IYD: variants seen among roughly 807,000 people sequenced by gnomAD.
The protein encoded by IYD is iodotyrosine deiodinase 1.
A neutral mutation model predicts 28.4 loss-of-function variants in IYD; 25 were observed. The observed-to-expected ratio is 0.88, with a 90% CI of 0.64 to 1.23. IYD has a LOEUF of 1.23. Ranked by LOEUF, IYD falls within the 50% of genes most tolerant of loss-of-function variation. The pLI is 0.00. For missense variants in IYD, 352 were observed against 357.9 expected (o/e 0.98, Z 0.13); for synonymous variants, 140 against 130.8 (o/e 1.07, Z -0.48).
intron 4 of IYD, chr6:150,396,969 C>T (rs1778347931): frequency 6.6e-6 from 1 of 152,088 alleles, no homozygotes; most frequent in Non-Finnish European, 1.5e-5. Context: ...TAAAGTAGAG[C>T]TAATGACAGA....
chr6:150,379,107 A>G (rs1419265823), intron 1 of IYD, among the ~76,000 whole-genome samples: 1 of 152,106 alleles, frequency 6.6e-6, no homozygotes, highest in East Asian at 1.9e-4. Flanking sequence ...CCCACCCCCA[A>G]TAGTTCATCT....
intron 1 of IYD, among the ~76,000 whole-genome samples, chr6:150,374,321 G>A (rs1488151710): frequency 6.6e-6 from 1 of 152,360 alleles, no homozygotes; most frequent in East Asian, 1.9e-4. Context: ...CAGTCGTGGA[G>A]ACATACAAGA....
In IYD at chr6:150,403,160, TA is replaced by T. The variant is rs1778557576; in HGVS notation, c.*4925del. 1 of 152,232 alleles carries T rather than the reference TA, an allele frequency of 6.6e-6. No homozygotes were observed. The highest frequency in any genetic ancestry group is 1.5e-5 in the Non-Finnish European group (1 of 68,034). The allele number at this position is 152,232 out of a possible 1,614,324, so 9.4% of individuals were successfully genotyped here. On this transcript the variant is annotated 3_prime_UTR_variant, in exon 5 of 5. Transcript: ENST00000344419. The stretch of plus-strand genomic sequence containing the variant: ...ATGTGATATTTTAAAAGACATTTTG[TA>T]AGCATCTTTTAGGAATATCAGTAAG...
intron 1 of IYD, among the ~76,000 whole-genome samples, chr6:150,372,308 CAT>C (rs1491202944): frequency 1.5e-4 from 19 of 125,718 alleles, no homozygotes; most frequent in East Asian, 2.6e-4. Flanking sequence ...GCTTATTAGA[CAT>C]GTGTGTGTGG....
At chr6:150,393,861 ATCT>A (rs1778211247) in intron 3 of IYD, among the ~76,000 whole-genome samples, 1 of 152,214 alleles carries the variant, frequency 6.6e-6, no homozygotes, top group African/African-American at 2.4e-5. Context: ...CTGCCCTTGT[ATCT>A]TTCAGCATTT....
In IYD at chr6:150,398,670, T is replaced by G. The variant is rs1420232638; in HGVS notation, c.*433T>G. ...CTGATTTCTGGTGGCTTTTAGACAC[T>G]AATTTTTGAGAACTACTTTTTTTTT... is the stretch of plus-strand genomic sequence containing the variant. On this transcript the variant is annotated 3_prime_UTR_variant, in exon 5 of 5. Transcript: ENST00000344419. 2 of 154,984 alleles carry G rather than the reference T, an allele frequency of 1.3e-5. No homozygotes were observed. Among genetic ancestry groups the G allele is most frequent in the Non-Finnish European group, 2.8e-5 (2 of 71,826 alleles). 9.6% of individuals were successfully genotyped at this position (154,984 alleles called of 1,614,324 possible).
intron 1 of IYD, among the ~76,000 whole-genome samples, chr6:150,375,476 G>A (rs1000176537): frequency 3.7e-4 from 56 of 152,150 alleles, no homozygotes; most frequent in African/African-American, 8.7e-4. Flanking sequence ...CCTTATGATC[G>A]TGATGGATAG....
intron 1 of IYD, among the ~76,000 whole-genome samples, chr6:150,379,394 A>G (rs1376560123): frequency 6.6e-6 from 1 of 152,222 alleles, no homozygotes; most frequent in Non-Finnish European, 1.5e-5. Context: ...TCTGCTAAAT[A>G]TACTTGAATC....
chr6:150,405,681 A>T lies in IYD; in HGVS notation c.*7444A>T, dbSNP rs766369751. ...GAACTCACTCATTCTCATGAGAATAACATGGGGGAAACTGCCCCCATTATT... is the reference window on the plus strand; with the variant it reads ...GAACTCACTCATTCTCATGAGAATATCATGGGGGAAACTGCCCCCATTATT... On this transcript the variant is annotated 3_prime_UTR_variant, in exon 5 of 5. Transcript: ENST00000344419. 4.3e-4 allele frequency: 65 copies of T among 152,196 alleles called. No individual in the cohort carries two copies. Among genetic ancestry groups the T allele is most frequent in the Non-Finnish European group, 8.8e-5 (6 of 68,040 alleles). The allele number at this position is 152,196 out of a possible 1,614,324, so 9.4% of individuals were successfully genotyped here. A position where few individuals can be genotyped will look rare whatever the true frequency, so the allele number is the denominator to read the frequency against.
intron 1 of IYD, among the ~76,000 whole-genome samples, chr6:150,378,449 A>G (rs2115024108): frequency 6.6e-6 from 1 of 152,154 alleles, no homozygotes; most frequent in Non-Finnish European, 1.5e-5. Context: ...TTGTCCTTGC[A>G]ATAGTTTACT....
intron 4 of IYD, chr6:150,395,413 T>C (rs574170213): frequency 1.3e-6 from 2 of 1,537,234 alleles, no homozygotes; most frequent in East Asian, 4.9e-5. Flanking sequence ...AAAATTATCC[T>C]GAAGGAGCTG....
intron 1 of IYD, among the ~76,000 whole-genome samples, chr6:150,371,856 T>C (rs754348355): frequency 1.3e-5 from 2 of 152,202 alleles, no homozygotes; most frequent in Non-Finnish European, 2.9e-5. Flanking sequence ...GTTGTTTACA[T>C]AAGTGGTGCA....
In IYD at chr6:150,401,767, T is replaced by A. The variant is rs544046651; in HGVS notation, c.*3530T>A. On this transcript the variant is annotated 3_prime_UTR_variant, in exon 5 of 5. Coordinates refer to ENST00000344419, the MANE Select transcript of IYD (RefSeq NM_203395.3). Reference sequence around the variant, plus strand: ...CCAAAAAAATAATGGAATGATTGCATCACTGCGAGGAAGTATACTTAATTA... The same window carrying A: ...CCAAAAAAATAATGGAATGATTGCAACACTGCGAGGAAGTATACTTAATTA... 1 of 152,294 alleles carries A rather than the reference T, an allele frequency of 6.6e-6. No homozygotes were observed. The highest frequency in any genetic ancestry group is 1.9e-4 in the East Asian group (1 of 5,184). 9.4% of individuals were successfully genotyped at this position (152,294 alleles called of 1,614,324 possible).
Position 150,398,171 on chromosome 6 carries a change from C to A in IYD, c.804C>A (p.Pro268=). 3.1e-6 allele frequency: 5 copies of A among 1,614,198 alleles called. No individual in the cohort carries two copies. In the South Asian group the frequency reaches 3.3e-5, roughly 11 times the overall value. The part of the protein sequence containing the change: ...KLLMLLPVGY[P]SKEATVPDLK... ...TGATGCTGCTCCCCGTGGGGTACCC[C>A]AGCAAGGAGGCCACGGTGCCTGACC... The change falls in exon 5 of 5, where the codon CCC becomes CCA. Residue 268 remains proline (P), a synonymous_variant. Coordinates refer to ENST00000344419, the MANE Select transcript of IYD (RefSeq NM_203395.3).
intron 1 of IYD, among the ~76,000 whole-genome samples, chr6:150,373,994 A>T (rs1339105): frequency 2.0e-5 from 3 of 152,116 alleles, no homozygotes; most frequent in Non-Finnish European, 4.4e-5. Context: ...TGTTCTTGAG[A>T]TCAAGTCTGG....
intron 4 of IYD, chr6:150,395,498 G>A (rs1459436520): frequency 1.3e-6 from 2 of 1,537,130 alleles, no homozygotes; most frequent in Admixed American, 2.0e-5. Context: ...GCGAGGCACC[G>A]CCACCTGATT....
chr6:150,382,045 C>A (rs1187297219), intron 1 of IYD, among the ~76,000 whole-genome samples: 1 of 152,186 alleles, frequency 6.6e-6, no homozygotes, highest in Non-Finnish European at 1.5e-5. Context: ...GCAGATCCCC[C>A]CTTGAGGAAG....
intron 1 of IYD, among the ~76,000 whole-genome samples, chr6:150,375,625 T>A (rs1043865823): frequency 9.5e-6 from 1 of 105,544 alleles, no homozygotes; most frequent in Non-Finnish European, 2.2e-5. Flanking sequence ...AGCAGCCTGA[T>A]GAATGCTTGA....
chr6:150,386,522 G>A (rs1777869412), intron 1 of IYD, among the ~76,000 whole-genome samples: 1 of 151,880 alleles, frequency 6.6e-6, no homozygotes, highest in South Asian at 2.1e-4. Context: ...AGTGTCCTAT[G>A]TAAGCCTATT....
Sources: gnomAD v4.1 joint callset for allele counts (sites outside exome capture counted in the v4.1 genomes callset) on GRCh38, gnomAD v4.1.1 for gene constraint, MANE v1.5 for transcripts, NCBI Gene and HGNC (gene_info 2026-07-23, HGNC 2026-07-21) for gene names.